Variants in PARD3 observed in about 807,000 individuals in gnomAD.
PARD3 encodes the protein par-3 family cell polarity regulator.
PARD3 carries 75 observed loss-of-function variants against 155.4 expected under a neutral mutation model. The ratio of observed to expected loss-of-function variants is 0.48; its 90% CI spans 0.40 to 0.58. The LOEUF (loss-of-function observed/expected upper bound fraction) is 0.58. Ranked by LOEUF, PARD3 falls within the 20% of genes least tolerant of loss-of-function variation. The pLI is 0.00. For missense variants in PARD3, 1,642 were observed against 1,721.7 expected, an observed-to-expected ratio of 0.95 and a Z score of 0.82; for synonymous variants, 576 against 610.5, an observed-to-expected ratio of 0.94 and a Z score of 0.83.
chr10:34,337,075 T>C (rs1005369722), intron 17 of PARD3, among the ~76,000 whole-genome samples, 200 bp downstream of exon 17: 3 of 152,212 alleles, frequency 2.0e-5, no homozygotes, highest in African/African-American at 7.2e-5. Flanking sequence ...ATTAACATAT[T>C]GCATATTATG....
intron 2 of PARD3, among the ~76,000 whole-genome samples, chr10:34,687,844 A>ATTT (rs1564509050): frequency 3.5e-5 from 2 of 57,358 alleles, no homozygotes; most frequent in Admixed American, 2.0e-4. Flanking sequence ...TACACCTGAA[A>ATTT]TCTTTTTTTT....
At chr10:34,690,247 C>T (rs968497060) in intron 2 of PARD3, among the ~76,000 whole-genome samples, 1 of 152,086 alleles carries the variant, frequency 6.6e-6, no homozygotes, top group Admixed American at 6.6e-5. Context: ...CCCGGATGGC[C>T]TCACTGATTT....
intron 2 of PARD3, among the ~76,000 whole-genome samples, chr10:34,646,435 T>G (rs1002262159): frequency 2.6e-5 from 4 of 152,290 alleles, no homozygotes; most frequent in Non-Finnish European, 5.9e-5. Flanking sequence ...CAACATATTT[T>G]AATATGTTTA....
At chr10:34,769,033 T>C (rs1838497712) in intron 1 of PARD3, among the ~76,000 whole-genome samples, 1 of 152,250 alleles carries the variant, frequency 6.6e-6, no homozygotes, top group African/African-American at 2.4e-5. Flanking sequence ...TTCTGCCTCC[T>C]GCCAAAACTG....
At chr10:34,657,521 A>AGGTTT (rs1181776520) in intron 2 of PARD3, among the ~76,000 whole-genome samples, 233 of 138,186 alleles carry the variant, frequency 1.7e-3, no homozygotes, top group African/African-American at 6.9e-3. Context: ...TCTGCTTCTC[A>AGGTTT]GTTTTGTTTT....
chr10:34,314,445 A>T (rs1334175074), intron 20 of PARD3, among the ~76,000 whole-genome samples: 1 of 152,210 alleles, frequency 6.6e-6, no homozygotes, highest in Non-Finnish European at 1.5e-5. Context: ...TCAAGGGGCA[A>T]TATGTGGCAA....
rs539290252 is a variant in PARD3, at chr10:34,341,493, G to A, written c.2408+134C>T. ...GTTCGGGTATAATCTTTTATTATAA[G>A]AGTGATAAGTATATAAAAACCATGA... On this transcript the variant is annotated intron_variant, in intron 16 of 24. Transcript: ENST00000374788. 2.8e-5 allele frequency: 16 copies of A among 578,416 alleles called. No individual in the cohort carries two copies. The East Asian group carries it at 4.6e-4, about 16-fold the overall frequency. The allele number at this position is 578,416 out of a possible 1,614,324, so 35.8% of individuals were successfully genotyped here. A position where few individuals can be genotyped will look rare whatever the true frequency, so the allele number is the denominator to read the frequency against.
At chr10:34,201,493 AT>A (rs1951207714) in intron 22 of PARD3, among the ~76,000 whole-genome samples, 1 of 152,250 alleles carries the variant, frequency 6.6e-6, no homozygotes, top group Admixed American at 6.5e-5. Flanking sequence ...ATGAAAAGCC[AT>A]CTATACTAAG....
At chr10:34,465,061 C>T (rs2077921719) in intron 4 of PARD3, among the ~76,000 whole-genome samples, 2 of 152,154 alleles carry the variant, frequency 1.3e-5, no homozygotes, top group African/African-American at 4.8e-5. Flanking sequence ...ACTTATATGA[C>T]CTATTACAAA....
intron 1 of PARD3, among the ~76,000 whole-genome samples, chr10:34,733,506 T>C (rs1051301586): frequency 6.6e-6 from 1 of 152,210 alleles, no homozygotes; most frequent in East Asian, 1.9e-4. Context: ...TCTTTTGAGA[T>C]TGAGTCTCAC....
At chr10:34,368,839 T>TAAAAAAAAAAAAAAAA (rs71033310) in intron 12 of PARD3, among the ~76,000 whole-genome samples, 1 of 108,618 alleles carries the variant, frequency 9.2e-6, no homozygotes, top group Non-Finnish European at 1.8e-5. Context: ...ATGAGCAATG[T>TAAAAAAAAAAAAAAAA]AAAAAAAAAA....
At chr10:34,653,225 A>G (rs985455586) in intron 2 of PARD3, among the ~76,000 whole-genome samples, 12 of 152,272 alleles carry the variant, frequency 7.9e-5, no homozygotes, top group East Asian at 1.9e-4. Flanking sequence ...AAAAAAGATA[A>G]TATCTGAGAG....
chr10:34,353,063 G>T (rs537909269), intron 14 of PARD3, among the ~76,000 whole-genome samples: 4 of 150,882 alleles, frequency 2.7e-5, no homozygotes, highest in Admixed American at 6.6e-5. Context: ...GAGCCCCTCC[G>T]CCCCGCAGCT....
At chr10:34,141,651 C>T (rs2132868299) in intron 22 of PARD3, among the ~76,000 whole-genome samples, 1 of 152,272 alleles carries the variant, frequency 6.6e-6, no homozygotes, top group Middle Eastern at 3.4e-3. Context: ...GTACCCCTCG[C>T]CCTATTTTAT....
intron 2 of PARD3, among the ~76,000 whole-genome samples, chr10:34,623,192 T>C (rs919737460): frequency 1.3e-5 from 2 of 152,190 alleles, no homozygotes; most frequent in Admixed American, 1.3e-4. Flanking sequence ...AATGATACTT[T>C]CACGGCTGTG....
At position 34,681,765 on chromosome 10, in the gene PARD3, TATA is replaced by T. The variant is rs1299587642; in HGVS notation, c.222+14550_222+14552del. Among the ~76,000 whole-genome samples the T allele has an allele frequency of 7.0e-4, 15 of 21,390 alleles. 1 individual carries two copies. The highest frequency in any genetic ancestry group is 1.6e-3 in the African/African-American group (6 of 3,792). 14.0% of individuals were successfully genotyped at this position (21,390 alleles called of 152,430 possible). A position where few individuals can be genotyped will look rare whatever the true frequency, so the allele number is the denominator to read the frequency against. On this transcript the variant is annotated intron_variant, in intron 2 of 24. Coordinates refer to ENST00000374788, the MANE Select transcript of PARD3 (RefSeq NM_001184785.2). The stretch of plus-strand genomic sequence containing the variant: ...ATATATATATATATATATATATATA[TATA>T]TTTTTTTTTTTTTTTTTTTTTTTTT...
chr10:34,295,512 G>C (rs1278584896), intron 20 of PARD3, among the ~76,000 whole-genome samples: 1 of 152,174 alleles, frequency 6.6e-6, no homozygotes, highest in African/African-American at 2.4e-5. Context: ...CAAGGGTAAA[G>C]TTCTGGGGGA....
At chr10:34,261,848 AC>A (rs1564528635) in intron 22 of PARD3, among the ~76,000 whole-genome samples, 13 of 150,446 alleles carry the variant, frequency 8.6e-5, no homozygotes, top group African/African-American at 3.0e-4. Flanking sequence ...AAACAAACAC[AC>A]ACACACTGGA....
chr10:34,197,842 G>A (rs1039816557), intron 22 of PARD3, among the ~76,000 whole-genome samples: 6 of 152,196 alleles, frequency 3.9e-5, no homozygotes, highest in African/African-American at 1.4e-4. Context: ...TGATTCTCCT[G>A]CCCCAGCCTC....
Sources: gnomAD v4.1 joint callset for allele counts (sites outside exome capture counted in the v4.1 genomes callset) on GRCh38, gnomAD v4.1.1 for gene constraint, MANE v1.5 for transcripts, NCBI Gene and HGNC (gene_info 2026-07-23, HGNC 2026-07-21) for gene names.